Variants in ZNF385C observed in about 807,000 individuals in gnomAD.
The protein encoded by ZNF385C is CTD-2132N18.2.
Under a neutral mutation model 35.4 loss-of-function variants are expected in ZNF385C, and 28 were observed. The ratio of observed to expected loss-of-function variants is 0.79; its 90% confidence interval spans 0.59 to 1.08. The LOEUF (loss-of-function observed/expected upper bound fraction) is 1.08. Among genes scored for constraint, ZNF385C ranks in the 50% least tolerant of loss-of-function variants. The pLI is 0.00. For missense variants in ZNF385C, 605 were observed against 595.6 expected (o/e 1.02, Z -0.16); for synonymous variants, 248 against 248.2 (o/e 1.00, Z 0.01).
At position 42,086,938 on chromosome 17, in the gene ZNF385C, C is replaced by T. The variant is rs563446576; in HGVS notation, c.-3+11472G>A. On this transcript the variant is annotated intron_variant, in intron 1 of 8. Transcript: ENST00000692273. ...CCACCTCCCAGGTTCAAGCAATTCTCCTGCCTCAGCCTCCCAAGTAGCTGG... is the reference window on the plus strand; with the variant it reads ...CCACCTCCCAGGTTCAAGCAATTCTTCTGCCTCAGCCTCCCAAGTAGCTGG... Among the ~76,000 whole-genome samples, 255 of 150,890 alleles carry T rather than the reference C, an allele frequency of 1.7e-3. 1 individual carries two copies. The highest frequency in any genetic ancestry group is 5.9e-3 in the African/African-American group (242 of 41,182).
Position 42,050,826 on chromosome 17 carries a change from A to G in ZNF385C, c.250+11981T>C, listed in dbSNP as rs1242189660. On this transcript the variant is annotated intron_variant, in intron 2 of 8. Transcript: ENST00000692273. This position sits in a 1 kb window ranked among gnomAD's most constrained non-coding sequence, Gnocchi z 5.6. Reference sequence around the variant, plus strand: ...CGCGCGGCAGCAGGAGCCAGAGGCTAGACCGCAGGCAGCGCGGTGCCGGGG... The same window carrying G: ...CGCGCGGCAGCAGGAGCCAGAGGCTGGACCGCAGGCAGCGCGGTGCCGGGG... Among the ~76,000 whole-genome samples, 2 of 151,772 alleles carry G rather than the reference A, an allele frequency of 1.3e-5. No homozygotes were observed. The highest frequency in any genetic ancestry group is 6.6e-5 in the Admixed American group (1 of 15,262).
chr17:42,098,151 C>T (rs578201449), intron 1 of ZNF385C, among the ~76,000 whole-genome samples: 1 of 152,350 alleles, frequency 6.6e-6, no homozygotes, highest in East Asian at 1.9e-4. Flanking sequence ...TGTCTAATGC[C>T]CGGCTCTTTC....
chr17:42,086,438 A>G (rs1276348771), intron 1 of ZNF385C, among the ~76,000 whole-genome samples: 2 of 152,052 alleles, frequency 1.3e-5, no homozygotes, highest in Admixed American at 1.3e-4. Context: ...GCAGTGGCTC[A>G]CGCCTGTAAT....
intron 1 of ZNF385C, among the ~76,000 whole-genome samples, chr17:42,069,332 G>A (rs1300344228): frequency 6.6e-6 from 1 of 152,206 alleles, no homozygotes; most frequent in Non-Finnish European, 1.5e-5. Flanking sequence ...TTCTGGTTGG[G>A]TGACAAATGC....
intron 5 of ZNF385C, 91 bp from the exon 6 acceptor site, chr17:42,029,164 T>C: frequency 7.1e-7 from 1 of 1,406,074 alleles, no homozygotes; most frequent in Non-Finnish European, 9.5e-7. Flanking sequence ...GGAGGGCCCC[T>C]GGTGGATGAC....
intron 1 of ZNF385C, among the ~76,000 whole-genome samples, chr17:42,070,786 GA>G (rs2053613623): frequency 6.6e-6 from 1 of 152,172 alleles, no homozygotes; most frequent in African/African-American, 2.4e-5. Flanking sequence ...GAAGCACCTG[GA>G]AGAAGAGAAG....
At chr17:42,070,968 T>C (rs536844838) in intron 1 of ZNF385C, among the ~76,000 whole-genome samples, 1 of 152,288 alleles carries the variant, frequency 6.6e-6, no homozygotes, top group South Asian at 2.1e-4. Flanking sequence ...AACAGCCCTC[T>C]TTAGTGGTGT....
At chr17:42,027,564 C>A in intron 8 of ZNF385C, 54 bp downstream of exon 8, 2 of 752,626 alleles carry the variant, frequency 2.7e-6, no homozygotes, top group South Asian at 1.8e-5. Flanking sequence ...GCCCTCCCAG[C>A]CCACCCTCTC....
At chr17:42,047,931 G>A (rs1333020346) in intron 2 of ZNF385C, among the ~76,000 whole-genome samples, 1 of 152,116 alleles carries the variant, frequency 6.6e-6, no homozygotes, top group African/African-American at 2.4e-5. Context: ...GGGATTATAG[G>A]TGTGAGCCAC....
At chr17:42,090,842 A>C (rs1432942394) in intron 1 of ZNF385C, among the ~76,000 whole-genome samples, 1 of 152,036 alleles carries the variant, frequency 6.6e-6, no homozygotes, top group Non-Finnish European at 1.5e-5. Context: ...AGATCCTGCC[A>C]CTGCACTCCA....
At position 42,028,115 on chromosome 17, in the gene ZNF385C, GC is replaced by G; in HGVS notation, c.1098del (p.Ser368AlafsTer19). The stretch of plus-strand genomic sequence containing the variant: ...AGAGCACAGTGGAAGGCAGGGCTGG[GC>G]CCCTGCCGGCCGCCCCGGCCCCCTG... The part of the protein sequence containing the change: ...RVTGGRGGRQ[G>X]PSPAFHCALC... On this transcript the variant is annotated frameshift_variant, in exon 7 of 9. Coordinates refer to ENST00000692273, the MANE Select transcript of ZNF385C (RefSeq NM_001392013.1). LOFTEE classifies it high-confidence loss of function. 8 of 1,612,940 alleles carry G rather than the reference GC, an allele frequency of 5.0e-6. No individual in the cohort carries two copies. The highest frequency in any genetic ancestry group is 6.8e-6 in the Non-Finnish European group (8 of 1,179,666).
rs185928679 is a variant in ZNF385C, at chr17:42,031,459, C to T, written c.676+160G>A. Among the ~76,000 whole-genome samples the T allele has an allele frequency of 2.6e-3, 389 of 152,260 alleles. 2 individuals are homozygous for T. Among genetic ancestry groups the T allele is most frequent in the African/African-American group, 8.8e-3 (364 of 41,544 alleles). The stretch of plus-strand genomic sequence containing the variant: ...ACGTGTTTCCTGATCTGGGTGTGTT[C>T]AGCTTAGGAAAATTCATGGCGTGGT... On this transcript the variant is annotated intron_variant, in intron 5 of 8. Transcript: ENST00000692273.
At chr17:42,060,095 C>A (rs112020062) in intron 2 of ZNF385C, among the ~76,000 whole-genome samples, 113 of 152,218 alleles carry the variant, frequency 7.4e-4, no homozygotes, top group African/African-American at 2.5e-3. Context: ...ACAGGACTGG[C>A]CTTCCCCACT....
intron 7 of ZNF385C, 99 bp from the exon 8 acceptor site, chr17:42,027,827 AC>A: frequency 7.4e-7 from 1 of 1,346,326 alleles, no homozygotes; most frequent in African/African-American, 1.5e-5. Flanking sequence ...CACAGCTCAT[AC>A]ATCCAAAGCA....
chr17:42,048,096 C>T (rs949346265), intron 2 of ZNF385C, among the ~76,000 whole-genome samples: 2 of 152,114 alleles, frequency 1.3e-5, no homozygotes, highest in African/African-American at 2.4e-5. Context: ...TCTCCTCCCC[C>T]CCTTCCCAAC....
At chr17:42,091,477 T>C (rs1246695887) in intron 1 of ZNF385C, among the ~76,000 whole-genome samples, 1 of 152,128 alleles carries the variant, frequency 6.6e-6, no homozygotes, top group African/African-American at 2.4e-5. Flanking sequence ...ACAAAACCAG[T>C]CCTGCTCCTG....
chr17:42,083,332 A>C (rs1424573362), intron 1 of ZNF385C, among the ~76,000 whole-genome samples: 1 of 151,224 alleles, frequency 6.6e-6, no homozygotes, highest in Non-Finnish European at 1.5e-5. Flanking sequence ...CCTCCAGAGT[A>C]GCTGGGACTA....
chr17:42,059,901 C>T (rs782496516), intron 2 of ZNF385C, among the ~76,000 whole-genome samples: 4 of 152,188 alleles, frequency 2.6e-5, no homozygotes, highest in Non-Finnish European at 4.4e-5. Context: ...GGATGACAGG[C>T]GTGAGCCTCC....
In ZNF385C at chr17:42,033,447, G is replaced by A. The variant is rs189954122; in HGVS notation, c.510+778C>T. 3.4e-4 allele frequency among the ~76,000 whole-genome samples: 52 copies of A among 152,274 alleles called. 1 individual carries two copies. In the South Asian group the frequency reaches 6.6e-3, roughly 19 times the overall value. On this transcript the variant is annotated intron_variant, in intron 4 of 8. Transcript: ENST00000692273. Reference sequence around the variant, plus strand: ...GGCTCACTTTCCTCATCTGAAAATCGGGGATTATAATAGCGCCTCTAGGCC... The same window carrying A: ...GGCTCACTTTCCTCATCTGAAAATCAGGGATTATAATAGCGCCTCTAGGCC...
Sources: gnomAD v4.1 joint callset for allele counts (sites outside exome capture counted in the v4.1 genomes callset) on GRCh38, gnomAD v4.1.1 for gene constraint, Gnocchi (gnomAD v3.1) non-coding constraint, MANE v1.5 for transcripts, NCBI Gene and HGNC (gene_info 2026-07-23, HGNC 2026-07-21) for gene names.